EDNRB: variants seen among roughly 807,000 people sequenced by gnomAD.
EDNRB encodes the protein endothelin receptor type B.
Under a neutral mutation model 46.4 loss-of-function variants are expected in EDNRB, and 18 were observed. That is an observed-to-expected ratio of 0.39 (90% CI 0.27 to 0.57). The LOEUF is 0.57. Among genes scored for constraint, EDNRB ranks in the 20% least tolerant of loss-of-function variants. The pLI is 0.61. For synonymous variants in EDNRB, 213 were observed against 204.9 expected, an observed-to-expected ratio of 1.04 and a Z score of -0.34; for missense variants, 434 against 537.5, an observed-to-expected ratio of 0.81 and a Z score of 1.90.
chr13:77,966,394 C>T (rs1261157723), intron 1 of EDNRB, among the ~76,000 whole-genome samples: 1 of 152,166 alleles, frequency 6.6e-6, no homozygotes, highest in Admixed American at 6.6e-5. Context: ...ACATGTCTTC[C>T]TCCCCCACTA....
At chr13:77,968,512 T>C (rs1042971558) in intron 1 of EDNRB, among the ~76,000 whole-genome samples, 3 of 152,122 alleles carry the variant, frequency 2.0e-5, no homozygotes, top group Non-Finnish European at 2.9e-5. Context: ...TTTTCAACTA[T>C]GAATTGGAAG....
In EDNRB at chr13:77,918,607, G is replaced by A. The variant is rs1321728434; in HGVS notation, c.-34C>T. The A allele has an allele frequency of 2.6e-6, 4 of 1,562,034 alleles. No individual in the cohort carries two copies. The highest frequency in any genetic ancestry group is 3.4e-6 in the Non-Finnish European group (4 of 1,164,598). On this transcript the variant is annotated 5_prime_UTR_variant, in exon 1 of 7. Coordinates refer to ENST00000646607, the MANE Select transcript of EDNRB (RefSeq NM_001122659.3). This position sits in a 1 kb window ranked among gnomAD's most constrained non-coding sequence, Gnocchi z 4.5. Reference sequence around the variant, plus strand: ...CTGCTCCAGAAGGCGTCCGGTGGCCGCTCCGCAGTTTCAGAGCCTAGAGAC... The same window carrying A: ...CTGCTCCAGAAGGCGTCCGGTGGCCACTCCGCAGTTTCAGAGCCTAGAGAC...
chr13:77,953,979 A>G (rs1349693255), intron 1 of EDNRB, among the ~76,000 whole-genome samples: 1 of 152,228 alleles, frequency 6.6e-6, no homozygotes. Flanking sequence ...ATATGTACAT[A>G]AAAACAGATA....
At chr13:77,937,473 G>A (rs181358738) in intron 1 of EDNRB, among the ~76,000 whole-genome samples, 1 of 152,216 alleles carries the variant, frequency 6.6e-6, no homozygotes, top group Non-Finnish European at 1.5e-5. Flanking sequence ...GTAGGACAGA[G>A]TTAGATATTG....
chr13:77,965,596 C>T (rs1594402044), intron 1 of EDNRB, among the ~76,000 whole-genome samples: 3 of 152,206 alleles, frequency 2.0e-5, no homozygotes, highest in Admixed American at 2.0e-4. Context: ...ACTTAAGTAA[C>T]AATCAGAAGA....
At chr13:77,929,426 G>A (rs1294590217) in intron 1 of EDNRB, among the ~76,000 whole-genome samples, 1 of 152,126 alleles carries the variant, frequency 6.6e-6, no homozygotes, top group Non-Finnish European at 1.5e-5. Flanking sequence ...ATCTCATAAT[G>A]TAACGTATGT....
At chr13:77,921,903 T>G (rs1274057815), upstream of EDNRB, among the ~76,000 whole-genome samples, 1 of 152,222 alleles carries the variant, frequency 6.6e-6, no homozygotes. Context: ...TATTTTTTTT[T>G]AATGTTACTT....
chr13:77,907,430 G>T (rs1044299810), intron 1 of EDNRB, among the ~76,000 whole-genome samples: 1 of 151,844 alleles, frequency 6.6e-6, no homozygotes, highest in Non-Finnish European at 1.5e-5. Context: ...TATATTTGCA[G>T]CTTGCAAATG....
chr13:77,965,216 A>G (rs979406863), intron 1 of EDNRB, among the ~76,000 whole-genome samples: 3 of 152,196 alleles, frequency 2.0e-5, no homozygotes, highest in Admixed American at 2.0e-4. Context: ...ATCATTGCCT[A>G]CTTCTCATTC....
intron 1 of EDNRB, among the ~76,000 whole-genome samples, chr13:77,971,662 T>C (rs1473289951): frequency 6.6e-6 from 1 of 152,180 alleles, no homozygotes; most frequent in Non-Finnish European, 1.5e-5. Context: ...ATCTACATTT[T>C]TATTAACTGT....
intron 1 of EDNRB, among the ~76,000 whole-genome samples, chr13:77,931,686 C>G (rs1317057207): frequency 2.7e-5 from 4 of 146,774 alleles, no homozygotes; most frequent in South Asian, 2.2e-4. Context: ...CTTCTTCCAG[C>G]CTTTTTTGAG....
At chr13:77,909,385 A>G (rs1879456558) in intron 1 of EDNRB, among the ~76,000 whole-genome samples, 2 of 152,046 alleles carry the variant, frequency 1.3e-5, no homozygotes, top group African/African-American at 4.8e-5. Context: ...CTCTCTAACC[A>G]GGGGATTTAC....
At chr13:77,916,888 A>AT (rs1267734843) in intron 1 of EDNRB, among the ~76,000 whole-genome samples, 1 of 148,386 alleles carries the variant, frequency 6.7e-6, no homozygotes, top group Admixed American at 6.8e-5. Flanking sequence ...TGTCTTTGAA[A>AT]TTTTCCAACT....
At chr13:77,919,727 G>A (rs1880014957), upstream of EDNRB, 5 of 1,054,650 alleles carry the variant, frequency 4.7e-6, no homozygotes, top group South Asian at 6.4e-5. Context: ...CCCGAGGGAG[G>A]GGGGCAGTCC....
chr13:77,964,768 A>G (rs577069788), intron 1 of EDNRB, among the ~76,000 whole-genome samples: 1 of 152,300 alleles, frequency 6.6e-6, no homozygotes, highest in African/African-American at 2.4e-5. Flanking sequence ...CCTAGAACTT[A>G]AAGTATAATA....
At chr13:77,919,160 G>A, upstream of EDNRB, 2 of 552,020 alleles carry the variant, frequency 3.6e-6, no homozygotes, top group Non-Finnish European at 6.0e-6. Context: ...CCAGGAGTGC[G>A]CCGGAGATTC....
At chr13:77,917,797 A>C (rs766645688) in intron 1 of EDNRB, among the ~76,000 whole-genome samples, 74 of 152,310 alleles carry the variant, frequency 4.9e-4, no homozygotes, top group Non-Finnish European at 8.5e-4. Flanking sequence ...AAAAATCTTC[A>C]TGTGCACCAA....
chr13:77,912,746 G>T (rs1482825284), intron 1 of EDNRB, among the ~76,000 whole-genome samples: 1 of 152,044 alleles, frequency 6.6e-6, no homozygotes, highest in Non-Finnish European at 1.5e-5. Flanking sequence ...CTTAATTGGT[G>T]CTCCTTAAAA....
upstream of EDNRB, among the ~76,000 whole-genome samples, chr13:77,923,192 G>A (rs1394783655): frequency 1.3e-5 from 2 of 152,104 alleles, no homozygotes; most frequent in Non-Finnish European, 2.9e-5. Context: ...TCTGAGAAAA[G>A]CAACATAGTT....
Sources: gnomAD v4.1 joint callset for allele counts (sites outside exome capture counted in the v4.1 genomes callset) on GRCh38, gnomAD v4.1.1 for gene constraint, Gnocchi (gnomAD v3.1) non-coding constraint, MANE v1.5 for transcripts, NCBI Gene and HGNC (gene_info 2026-07-23, HGNC 2026-07-21) for gene names.